The following FGF14 variants were observed in gnomAD, a reference collection of about 807,000 sequenced individuals.
FGF14 encodes the protein fibroblast growth factor homologous factor 4.
A neutral mutation model predicts 25.5 loss-of-function variants in FGF14; 5 were observed. That is an observed-to-expected ratio of 0.20 (90% confidence interval 0.10 to 0.41). The LOEUF (loss-of-function observed/expected upper bound fraction) is 0.41, where lower values mean the gene tolerates loss of function less well. FGF14 is among the 10% of genes least tolerant of loss of function. The probability of loss-of-function intolerance (pLI) is 1.00; values close to 1 mark genes in which losing one functional copy is unlikely to be tolerated. For missense variants in FGF14, 222 were observed against 320.1 expected, an observed-to-expected ratio of 0.69 and a Z score of 2.34; for synonymous variants, 138 against 118.3, an observed-to-expected ratio of 1.17 and a Z score of -1.08.
intron 1 of FGF14, among the ~76,000 whole-genome samples, chr13:101,972,253 T>C (rs1407448322): frequency 1.3e-5 from 2 of 152,214 alleles, no homozygotes; most frequent in Non-Finnish European, 2.9e-5. Context: ...GCAAGCCCAG[T>C]GCTGAACGAG....
chr13:101,902,567 T>C (rs999254981), intron 1 of FGF14, among the ~76,000 whole-genome samples: 1 of 152,224 alleles, frequency 6.6e-6, no homozygotes, highest in Non-Finnish European at 1.5e-5. Flanking sequence ...CACTATTAAC[T>C]CATATGTTTA....
chr13:102,136,660 G>GA (rs1212426742), intron 1 of FGF14, among the ~76,000 whole-genome samples: 1,359 of 102,366 alleles, frequency 0.013, 15 homozygotes, highest in South Asian at 0.019. Context: ...AAATTCTATG[G>GA]GAAAAAAAAA....
intron 1 of FGF14, among the ~76,000 whole-genome samples, chr13:102,117,083 G>A (rs1050421889): frequency 4.6e-5 from 7 of 152,268 alleles, no homozygotes; most frequent in African/African-American, 1.4e-4. Context: ...TTTTGCCTCC[G>A]ATCCCCAGGT....
intron 1 of FGF14, among the ~76,000 whole-genome samples, chr13:101,911,575 A>C (rs1238073152): frequency 6.6e-6 from 1 of 152,174 alleles, no homozygotes; most frequent in African/African-American, 2.4e-5. Flanking sequence ...CACAGGAGGA[A>C]AATGCATAAA....
intron 1 of FGF14, among the ~76,000 whole-genome samples, chr13:102,106,121 T>C (rs1468475573): frequency 2.6e-5 from 4 of 152,332 alleles, no homozygotes; most frequent in African/African-American, 9.6e-5. Flanking sequence ...TATTCCCAGA[T>C]AAACATATTT....
At position 101,806,989 on chromosome 13, in the gene FGF14, T is replaced by G. The variant is rs558163346; in HGVS notation, c.408+61736A>C. Among the ~76,000 whole-genome samples, 11 of 152,246 alleles carry G rather than the reference T, an allele frequency of 7.2e-5. No homozygotes were observed. In the South Asian group the frequency reaches 2.3e-3, roughly 32 times the overall value. On this transcript the variant is annotated intron_variant, in intron 3 of 4. Coordinates refer to ENST00000376143, the MANE Select transcript of FGF14 (RefSeq NM_004115.4). ...TCTCCTTATAACTTTCACTGCGGAC[T>G]TCTATCCAGCATAACATAGCACACT... is the stretch of plus-strand genomic sequence containing the variant.
chr13:102,240,284 T>C (rs1372032559), intron 1 of FGF14, among the ~76,000 whole-genome samples: 3 of 152,176 alleles, frequency 2.0e-5, no homozygotes, highest in African/African-American at 7.2e-5. Context: ...ATAAAGCATA[T>C]GGCCAACCAA....
intron 1 of FGF14, among the ~76,000 whole-genome samples, chr13:102,282,192 G>A (rs553404191): frequency 2.3e-4 from 35 of 151,650 alleles, no homozygotes; most frequent in African/African-American, 7.3e-4. Flanking sequence ...TCAGCCTCCC[G>A]AGTAGCTAGG....
At chr13:101,965,895 A>C (rs910203864) in intron 1 of FGF14, among the ~76,000 whole-genome samples, 2 of 152,182 alleles carry the variant, frequency 1.3e-5, no homozygotes, top group African/African-American at 4.8e-5. Flanking sequence ...ACAACTGAAA[A>C]GTGTCACTCC....
intron 1 of FGF14, among the ~76,000 whole-genome samples, chr13:102,308,292 C>T (rs574724808): frequency 8.8e-4 from 134 of 152,296 alleles, no homozygotes; most frequent in African/African-American, 3.2e-3. Flanking sequence ...CAATCACGTT[C>T]CCACTTTTTA....
intron 1 of FGF14, among the ~76,000 whole-genome samples, chr13:101,957,761 C>T (rs972209846): frequency 4.5e-4 from 68 of 152,128 alleles, no homozygotes; most frequent in African/African-American, 1.6e-3. Flanking sequence ...CTACTATTTG[C>T]AAACACATAT....
intron 1 of FGF14, among the ~76,000 whole-genome samples, chr13:102,034,172 T>A (rs1313224725): frequency 6.6e-6 from 1 of 152,040 alleles, no homozygotes; most frequent in Non-Finnish European, 1.5e-5. Context: ...TCAATTTCCC[T>A]AGAGACTGTA....
chr13:102,048,270 GT>G (rs2042077709), intron 1 of FGF14, among the ~76,000 whole-genome samples: 1 of 152,076 alleles, frequency 6.6e-6, no homozygotes, highest in African/African-American at 2.4e-5. Context: ...CCAATCTTAT[GT>G]TTTGTCTTCT....
intron 1 of FGF14, among the ~76,000 whole-genome samples, chr13:101,910,378 GTA>G (rs771355073): frequency 1.4e-4 from 21 of 152,046 alleles, no homozygotes; most frequent in Non-Finnish European, 2.5e-4. Flanking sequence ...GACAAATGTG[GTA>G]TGTTTCATTC....
rs1457209934 is a variant in FGF14 at position 101,721,428 on chromosome 13, G to T, written c.*1403C>A. On this transcript the variant is annotated 3_prime_UTR_variant, in exon 5 of 5. Transcript: ENST00000376143. ...TGGACCAAAATCCTCATGGATGAAT[G>T]TGTTGGTTTGCCTTTATTTTCATCT... 1.5e-5 allele frequency: 2 copies of T among 131,622 alleles called. No homozygotes were observed. Among genetic ancestry groups the T allele is most frequent in the African/African-American group, 5.3e-5 (2 of 37,942 alleles). The allele number at this position is 131,622 out of a possible 1,614,324, so 8.2% of individuals were successfully genotyped here.
intron 1 of FGF14, among the ~76,000 whole-genome samples, chr13:101,960,842 T>C (rs567585078): frequency 6.6e-5 from 10 of 152,348 alleles, no homozygotes; most frequent in South Asian, 2.1e-4. Context: ...CTCCTCAGCA[T>C]TGTCAGCATC....
At chr13:102,079,994 T>A (rs1392988089) in intron 1 of FGF14, among the ~76,000 whole-genome samples, 2 of 151,748 alleles carry the variant, frequency 1.3e-5, no homozygotes, top group Non-Finnish European at 1.5e-5. Flanking sequence ...TGGAGCAGAG[T>A]GAGCAAGAGG....
intron 1 of FGF14, among the ~76,000 whole-genome samples, chr13:102,029,175 G>A (rs543254417): frequency 6.6e-6 from 1 of 152,074 alleles, no homozygotes; most frequent in Non-Finnish European, 1.5e-5. Flanking sequence ...CATGTTGCTT[G>A]TGTGTGTGTC....
Position 102,223,824 on chromosome 13 carries a change from C to T in FGF14, c.208+177647G>A, listed in dbSNP as rs181947867. On this transcript the variant is annotated intron_variant, in intron 1 of 4. Transcript: ENST00000376131. ...GCTGCAGTGAGCTATTGTCATGCCA[C>T]TGCACTCCAGCCTGGATGACAGAGC... is the stretch of plus-strand genomic sequence containing the variant. Among the ~76,000 whole-genome samples the T allele has an allele frequency of 1.0e-3, 152 of 152,284 alleles. 2 individuals carry two copies. The highest frequency in any genetic ancestry group is 6.8e-3 in the Middle Eastern group (2 of 294).
Sources: gnomAD v4.1 joint callset for allele counts (sites outside exome capture counted in the v4.1 genomes callset) on GRCh38, gnomAD v4.1.1 for gene constraint, MANE v1.5 for transcripts, NCBI Gene and HGNC (gene_info 2026-07-23, HGNC 2026-07-21) for gene names.